Variants in EPM2A observed in about 807,000 individuals in gnomAD.
EPM2A encodes the protein EPM2A glucan phosphatase, laforin.
Under a neutral mutation model 26.5 loss-of-function variants are expected in EPM2A, and 21 were observed. The observed-to-expected ratio is 0.79, with a 90% CI of 0.56 to 1.14. EPM2A has a LOEUF of 1.14. Ranked by LOEUF, EPM2A falls within the 50% of genes most tolerant of loss-of-function variation. EPM2A has a pLI of 0.00. For synonymous variants in EPM2A, 217 were observed against 177.6 expected, an observed-to-expected ratio of 1.22 and a Z score of -1.76; for missense variants, 458 against 440.8, an observed-to-expected ratio of 1.04 and a Z score of -0.35.
chr6:145,716,669 C>T (rs1775643284), intron 1 of EPM2A, among the ~76,000 whole-genome samples: 2 of 152,036 alleles, frequency 1.3e-5, no homozygotes, highest in African/African-American at 4.8e-5. Context: ...GATTCCTTCA[C>T]CCCAAAATGC....
intron 2 of EPM2A, among the ~76,000 whole-genome samples, chr6:145,520,445 T>C (rs1344514925): frequency 6.6e-6 from 1 of 152,210 alleles, no homozygotes; most frequent in East Asian, 1.9e-4. Context: ...CAGCTACTGC[T>C]AAAATTCCGT....
intron 2 of EPM2A, among the ~76,000 whole-genome samples, chr6:145,658,326 T>C (rs1778443330): frequency 6.6e-6 from 1 of 152,240 alleles, no homozygotes. Flanking sequence ...GGCCTTCTTA[T>C]TTTTAATGAG....
intron 4 of EPM2A, chr6:145,489,760 G>T: frequency 6.9e-7 from 1 of 1,447,602 alleles, no homozygotes; most frequent in Non-Finnish European, 9.7e-7. Flanking sequence ...GCATCTGCTT[G>T]GCTAGGTTCT....
At chr6:145,428,700 A>G (rs1778884218) in intron 4 of EPM2A, among the ~76,000 whole-genome samples, 1 of 152,210 alleles carries the variant, frequency 6.6e-6, no homozygotes, top group Non-Finnish European at 1.5e-5. Context: ...GCTGTGGCAG[A>G]TGGTTACATG....
At chr6:145,624,330 T>C (rs942788612), downstream of EPM2A, among the ~76,000 whole-genome samples, 2 of 152,224 alleles carry the variant, frequency 1.3e-5, no homozygotes, top group African/African-American at 4.8e-5. Flanking sequence ...AGAAAACACC[T>C]GCCTTTTCTT....
intron 4 of EPM2A, among the ~76,000 whole-genome samples, chr6:145,389,205 CTTTTTTTT>C (rs1162002053): frequency 7.0e-6 from 1 of 143,264 alleles, no homozygotes; most frequent in African/African-American, 2.6e-5. Context: ...ATCTTTTTTT[CTTTTTTTT>C]TTTTTAAGAT....
chr6:145,486,302 C>A lies in EPM2A; in HGVS notation c.555+16220G>T, dbSNP rs78360671. ...AAGGATACTCACCTCTAAACATTATCTTTTTATTTTTAAGTCAATGTTATT... is the reference window on the plus strand; with the variant it reads ...AAGGATACTCACCTCTAAACATTATATTTTTATTTTTAAGTCAATGTTATT... On this transcript the variant is annotated intron_variant, in intron 4 of 4. Coordinates refer to the EPM2A transcript ENST00000638717. Among the ~76,000 whole-genome samples, 484 of 152,252 alleles carry A rather than the reference C, an allele frequency of 3.2e-3. 7 individuals carry two copies. Among genetic ancestry groups the A allele is most frequent in the African/African-American group, 0.011 (467 of 41,552 alleles).
intron 4 of EPM2A, among the ~76,000 whole-genome samples, chr6:145,446,791 C>T (rs941613709): frequency 1.3e-5 from 2 of 152,004 alleles, no homozygotes; most frequent in Non-Finnish European, 2.9e-5. Context: ...AAAAGGATGC[C>T]TCAAGGTAGA....
At chr6:145,442,399 G>T (rs921792092) in intron 4 of EPM2A, among the ~76,000 whole-genome samples, 1 of 152,222 alleles carries the variant, frequency 6.6e-6, no homozygotes, top group African/African-American at 2.4e-5. Context: ...AGAGTTCCAT[G>T]TGGCTGAGGA....
intron 2 of EPM2A, among the ~76,000 whole-genome samples, chr6:145,577,395 A>G (rs1201954796): frequency 2.6e-5 from 4 of 151,938 alleles, no homozygotes; most frequent in African/African-American, 9.7e-5. Flanking sequence ...AGGAGGGGCT[A>G]GCATGACATC....
chr6:145,411,353 T>C (rs1261809817), intron 4 of EPM2A, among the ~76,000 whole-genome samples: 4 of 152,220 alleles, frequency 2.6e-5, no homozygotes, highest in African/African-American at 4.8e-5. Context: ...CCTGGCATAA[T>C]GACTTGATTG....
At chr6:145,451,079 CTTG>C (rs889520904) in intron 4 of EPM2A, among the ~76,000 whole-genome samples, 1 of 152,126 alleles carries the variant, frequency 6.6e-6, no homozygotes, top group African/African-American at 2.4e-5. Context: ...ACTGGTAGTA[CTTG>C]TTGTCAATGA....
intron 1 of EPM2A, among the ~76,000 whole-genome samples, chr6:145,713,440 T>C (rs1335119491): frequency 2.0e-5 from 3 of 152,170 alleles, no homozygotes; most frequent in Non-Finnish European, 4.4e-5. Flanking sequence ...GTACAGAAGA[T>C]ACATATGTGT....
At chr6:145,493,658 T>C (rs1248535752) in intron 4 of EPM2A, among the ~76,000 whole-genome samples, 2 of 152,220 alleles carry the variant, frequency 1.3e-5, no homozygotes, top group Non-Finnish European at 2.9e-5. Flanking sequence ...TTGAGGTATG[T>C]TCTTTCAATA....
chr6:145,649,072 C>T (rs1777688960), intron 2 of EPM2A, among the ~76,000 whole-genome samples: 1 of 152,194 alleles, frequency 6.6e-6, no homozygotes, highest in African/African-American at 2.4e-5. Context: ...TTTGCAAAGT[C>T]ATCTGAACCT....
At chr6:145,612,472 T>C (rs1775411755) in intron 2 of EPM2A, among the ~76,000 whole-genome samples, 2 of 152,156 alleles carry the variant, frequency 1.3e-5, no homozygotes, top group African/African-American at 2.4e-5. Flanking sequence ...GAATAACAAT[T>C]ATGCTTTATT....
In EPM2A at chr6:145,627,511, G is replaced by C. The variant is rs1050606699; in HGVS notation, c.901C>G (p.Pro301Ala). The C allele has an allele frequency of 1.9e-6, 3 of 1,614,130 alleles. No homozygotes were observed. In the African/African-American group the frequency reaches 4.0e-5, roughly 22 times the overall value. Residue 301 changes from proline (P) to alanine (A), a missense_variant, in exon 4 of 4, where the codon CCG becomes GCG. Physicochemically the swap from Pro to Ala is conservative, Grantham distance 27 (BLOSUM62 -1). Coordinates refer to ENST00000367519, the MANE Select transcript of EPM2A (RefSeq NM_005670.4). ...KVQYFLMAKRPAVYIDEEALA... is the reference protein window; with the variant it reads ...KVQYFLMAKRAAVYIDEEALA... ...GCCTCTTCGTCAATGTAGACAGCCGGCCTCTTGGCCATGAGGAAATACTGC... is the reference window on the plus strand; with the variant it reads ...GCCTCTTCGTCAATGTAGACAGCCGCCCTCTTGGCCATGAGGAAATACTGC...
At chr6:145,558,894 C>A (rs184693676) in intron 2 of EPM2A, among the ~76,000 whole-genome samples, 58 of 152,188 alleles carry the variant, frequency 3.8e-4, no homozygotes, top group Admixed American at 3.7e-3. Flanking sequence ...TTTTCCCCAC[C>A]TCCACCCCTC....
chr6:145,685,191 T>C (rs116741990), intron 2 of EPM2A, among the ~76,000 whole-genome samples: 1,869 of 152,292 alleles, frequency 0.012, 42 homozygotes, highest in African/African-American at 0.043. Flanking sequence ...TTAATGTAAA[T>C]TCTATAAGCC....
Sources: allele counts gnomAD v4.1 joint callset (sites outside exome capture counted in the v4.1 genomes callset), GRCh38; gene constraint gnomAD v4.1.1; transcripts MANE v1.5; gene names NCBI Gene and HGNC (gene_info 2026-07-23, HGNC 2026-07-21).